Variants in USP34 observed in about 807,000 individuals in gnomAD.
USP34 encodes the protein ubiquitin specific peptidase 34.
A neutral mutation model predicts 460.3 loss-of-function variants in USP34; 70 were observed. That is an observed-to-expected ratio of 0.15 (90% CI 0.13 to 0.19). USP34 has a LOEUF of 0.19. USP34 is among the 10% of genes least tolerant of loss of function. The pLI is 1.00. For missense variants in USP34, 3,985 were observed against 4,236.2 expected (o/e 0.94, Z 1.65); for synonymous variants, 1,647 against 1,405.3 (o/e 1.17, Z -3.85).
intron 3 of USP34, among the ~76,000 whole-genome samples, chr2:61,399,030 G>T (rs1391050365): frequency 2.0e-5 from 3 of 152,118 alleles, no homozygotes; most frequent in African/African-American, 4.8e-5. Flanking sequence ...TTAGAGCCAC[G>T]ATTTCTAGTG....
intron 5 of USP34, among the ~76,000 whole-genome samples, chr2:61,389,118 C>G (rs1049534954): frequency 3.9e-5 from 6 of 151,918 alleles, no homozygotes; most frequent in Non-Finnish European, 7.4e-5. Context: ...GGTGATAAAA[C>G]TTTGTTTAAA....
At chr2:61,427,324 G>A (rs1164081172) in intron 1 of USP34, among the ~76,000 whole-genome samples, 6 of 152,168 alleles carry the variant, frequency 3.9e-5, no homozygotes, top group East Asian at 1.9e-4. Flanking sequence ...CACCGTGCCC[G>A]GCCCCAAGTT....
intron 7 of USP34, among the ~76,000 whole-genome samples, chr2:61,379,007 T>C (rs1692890220): frequency 1.5e-5 from 2 of 137,092 alleles, no homozygotes; most frequent in Admixed American, 7.3e-5. Flanking sequence ...TAAAGCTGAG[T>C]AAGTAAAAAA....
At chr2:61,207,324 A>G (rs1389065349) in intron 70 of USP34, 1 of 153,850 alleles carries the variant, frequency 6.5e-6, no homozygotes, top group Non-Finnish European at 1.4e-5. Flanking sequence ...AGAGCTGCAA[A>G]AGGTAGGAAT....
chr2:61,387,696 C>T (rs34378738), intron 5 of USP34, among the ~76,000 whole-genome samples: 21,430 of 144,160 alleles, frequency 0.15, 2,126 homozygotes, highest in Middle Eastern at 0.22. Flanking sequence ...TTTACATATA[C>T]ACACATGTAA....
Position 61,227,083 on chromosome 2 carries a change from G to T in USP34, c.7579C>A (p.Gln2527Lys), listed in dbSNP as rs762247017. The change falls in exon 62 of 80, where the codon CAG becomes AAG. Residue 2527 changes from glutamine (Q) to lysine (K), a missense_variant. Gln to Lys is a moderately conservative substitution (Grantham distance 53). This residue lies in a region of USP34 where 604 missense variants were observed against 684.8 expected (regional missense o/e 0.88). Transcript: ENST00000398571. ...MIALVALLVE[Q>K]SRSERHLTLS... ...ACATTTCACCTTTCTGATCGAGACTGTTCAACCAAAAGAGCAACTAAAGCT... is the reference window on the plus strand; with the variant it reads ...ACATTTCACCTTTCTGATCGAGACTTTTCAACCAAAAGAGCAACTAAAGCT... 49 of 1,610,632 alleles carry T rather than the reference G, an allele frequency of 3.0e-5. No individual in the cohort carries two copies. Among genetic ancestry groups the T allele is most frequent in the Non-Finnish European group, 3.8e-5 (45 of 1,179,326 alleles).
chr2:61,402,219 A>G (rs1283575246), intron 3 of USP34, among the ~76,000 whole-genome samples: 1 of 152,086 alleles, frequency 6.6e-6, no homozygotes, highest in Non-Finnish European at 1.5e-5. Flanking sequence ...ATTCAAGGTT[A>G]TGGTGACCAA....
At chr2:61,312,831 T>C (rs527670142) in intron 25 of USP34, among the ~76,000 whole-genome samples, 1 of 152,218 alleles carries the variant, frequency 6.6e-6, no homozygotes, top group African/African-American at 2.4e-5. Flanking sequence ...TTATCAGAAG[T>C]GTCTCCAGGG....
intron 1 of USP34, among the ~76,000 whole-genome samples, chr2:61,461,830 C>A (rs554605139): frequency 6.6e-6 from 1 of 152,022 alleles, no homozygotes; most frequent in South Asian, 2.1e-4. Flanking sequence ...TCTAAAAGAA[C>A]CAGGGATGTA....
rs144240203 is a variant in USP34, at chr2:61,320,750, C to T, written c.3014-1423G>A. Among the ~76,000 whole-genome samples the T allele has an allele frequency of 9.5e-4, 144 of 152,298 alleles. 2 individuals carry two copies. Among genetic ancestry groups the T allele is most frequent in the East Asian group, 9.3e-3 (48 of 5,180 alleles). ...GTAGGCTGGGCGTGGTGGCTCACGC[C>T]TGTAATCCCAGCCCTTCGGGAGGAC... On this transcript the variant is annotated intron_variant, in intron 21 of 79. Transcript: ENST00000398571.
At chr2:61,378,288 A>G in intron 8 of USP34, 75 bp downstream of exon 8, 1 of 1,153,792 alleles carries the variant, frequency 8.7e-7, no homozygotes, top group Non-Finnish European at 1.2e-6. Flanking sequence ...TTTAAATCTA[A>G]AAATTAGAAT....
intron 1 of USP34, among the ~76,000 whole-genome samples, chr2:61,458,303 G>A (rs1695496050): frequency 6.6e-6 from 1 of 152,122 alleles, no homozygotes; most frequent in Non-Finnish European, 1.5e-5. Flanking sequence ...GTTCACACCT[G>A]TAATCCCAGC....
chr2:61,386,722 G>A (rs934229704), intron 5 of USP34, among the ~76,000 whole-genome samples: 2 of 152,210 alleles, frequency 1.3e-5, no homozygotes, highest in East Asian at 1.9e-4. Flanking sequence ...CCCAGGAGGT[G>A]GATGTTGCAG....
intron 15 of USP34, chr2:61,346,247 A>T (rs1691763678): frequency 1.3e-5 from 2 of 152,082 alleles, no homozygotes; most frequent in Non-Finnish European, 2.9e-5. Context: ...GCTGGGTATA[A>T]GTAGCTTACG....
chr2:61,355,373 A>G (rs1261916788), intron 10 of USP34, among the ~76,000 whole-genome samples: 1 of 152,226 alleles, frequency 6.6e-6, no homozygotes, highest in Non-Finnish European at 1.5e-5. Flanking sequence ...ACATGATTTA[A>G]AAAACAAAGA....
At chr2:61,280,507 T>C (rs933303679) in intron 38 of USP34, among the ~76,000 whole-genome samples, 159 bp from the exon 39 acceptor site, 1 of 152,010 alleles carries the variant, frequency 6.6e-6, no homozygotes. Flanking sequence ...TTCTGTAAAA[T>C]CAGAATAACC....
intron 75 of USP34, among the ~76,000 whole-genome samples, chr2:61,202,255 A>T (rs1022038459): frequency 6.6e-6 from 1 of 152,160 alleles, no homozygotes; most frequent in Non-Finnish European, 1.5e-5. Context: ...GCTACGACTG[A>T]TGAGGGGCAC....
intron 1 of USP34, among the ~76,000 whole-genome samples, chr2:61,450,663 T>C (rs911017589): frequency 1.3e-5 from 2 of 151,922 alleles, no homozygotes; most frequent in African/African-American, 4.8e-5. Flanking sequence ...ACCATTTTAA[T>C]TGGGAACAAC....
At chr2:61,326,086 C>A (rs528276780) in intron 20 of USP34, among the ~76,000 whole-genome samples, 1 of 151,940 alleles carries the variant, frequency 6.6e-6, no homozygotes, top group African/African-American at 2.4e-5. Flanking sequence ...AGACTGTGGT[C>A]GGCCCCAAAG....
Sources: gnomAD v4.1 joint callset for allele counts (sites outside exome capture counted in the v4.1 genomes callset) on GRCh38, gnomAD v4.1.1 for gene constraint, gnomAD v4.1.1 regional missense constraint, MANE v1.5 for transcripts, NCBI Gene and HGNC (gene_info 2026-07-23, HGNC 2026-07-21) for gene names.